The following AP3B1 variants were observed in gnomAD, a reference collection of about 807,000 sequenced individuals.
AP3B1 encodes the protein adaptor related protein complex 3 subunit beta 1, also known as AP-3 complex subunit beta-1.
In AP3B1, 61 loss-of-function variants were observed where a neutral mutation model predicts 132.5. The ratio of observed to expected loss-of-function variants is 0.46; its 90% confidence interval spans 0.37 to 0.57. The LOEUF (loss-of-function observed/expected upper bound fraction) is 0.57, where lower values mean the gene tolerates loss of function less well. AP3B1 is among the 20% of genes least tolerant of loss of function. AP3B1 has a pLI of 0.00. For missense variants in AP3B1, 1,120 were observed against 1,289.4 expected, an observed-to-expected ratio of 0.87 and a Z score of 2.01; for synonymous variants, 388 against 438.3, an observed-to-expected ratio of 0.89 and a Z score of 1.43.
intron 24 of AP3B1, among the ~76,000 whole-genome samples, chr5:78,031,508 T>C (rs1160952449): frequency 6.6e-6 from 1 of 152,206 alleles, no homozygotes; most frequent in Non-Finnish European, 1.5e-5. Context: ...CCAAAACGTC[T>C]TTCCCAGGCA....
Position 78,181,581 on chromosome 5 carries a change from G to A in AP3B1, c.868C>T (p.Pro290Ser). ...CTATGATCTGGATCCATAGTATACG[G>A]CTTCTTCTTTTTGTCAGTCTTTTCC... ...QKEKTDKKKK[P>S]YTMDPDHRLL... Residue 290 changes from proline (P) to serine (S), a missense_variant, in exon 8 of 27, where the codon CCG becomes TCG. Pro to Ser is a moderately conservative substitution (Grantham distance 74, BLOSUM62 -1). This residue lies in a region of AP3B1 where 906 missense variants were observed against 997.1 expected (regional missense o/e 0.91). Coordinates refer to ENST00000255194, the MANE Select transcript of AP3B1 (RefSeq NM_003664.5). 6.2e-7 allele frequency: 1 copy of A among 1,612,376 alleles called. No homozygotes were observed.
At chr5:78,288,112 T>C (rs994586892) in intron 1 of AP3B1, among the ~76,000 whole-genome samples, 1 of 152,244 alleles carries the variant, frequency 6.6e-6, no homozygotes, top group African/African-American at 2.4e-5. Flanking sequence ...AAAATGTCCT[T>C]AACATTTCAA....
chr5:78,163,314 C>T (rs1743464198), intron 12 of AP3B1, among the ~76,000 whole-genome samples: 1 of 151,808 alleles, frequency 6.6e-6, no homozygotes, highest in Non-Finnish European at 1.5e-5. Context: ...TTACCAGCAG[C>T]ATCTGTGAAT....
intron 22 of AP3B1, among the ~76,000 whole-genome samples, chr5:78,087,182 T>A (rs1361269760): frequency 5.3e-5 from 8 of 152,208 alleles, no homozygotes; most frequent in African/African-American, 1.9e-4. Flanking sequence ...ATAGATGTAC[T>A]CTATCATCTA....
At chr5:78,122,667 C>T (rs1752267247) in intron 17 of AP3B1, among the ~76,000 whole-genome samples, 1 of 152,108 alleles carries the variant, frequency 6.6e-6, no homozygotes, top group Admixed American at 6.5e-5. Flanking sequence ...TCAAGGAGAA[C>T]TACAAACCAC....
At chr5:78,034,246 C>T in intron 24 of AP3B1, 115 bp downstream of exon 24, 1 of 813,768 alleles carries the variant, frequency 1.2e-6, no homozygotes, top group East Asian at 2.5e-5. Context: ...CAAAGCAAAA[C>T]ATATTTGTTT....
At chr5:78,104,172 T>C (rs1292298368) in intron 20 of AP3B1, among the ~76,000 whole-genome samples, 4 of 152,196 alleles carry the variant, frequency 2.6e-5, no homozygotes, top group Admixed American at 2.0e-4. Context: ...TGAAATATTT[T>C]CAATTAGAAT....
chr5:78,231,974 T>C (rs139048550), intron 3 of AP3B1, among the ~76,000 whole-genome samples: 101 of 152,324 alleles, frequency 6.6e-4, no homozygotes, highest in African/African-American at 2.3e-3. Flanking sequence ...GAGAAATCTA[T>C]ACAATAAAAT....
intron 7 of AP3B1, among the ~76,000 whole-genome samples, chr5:78,204,314 G>T (rs574064438): frequency 9.9e-5 from 15 of 152,132 alleles, no homozygotes; most frequent in Non-Finnish European, 1.6e-4. Context: ...GTTGCATGTG[G>T]TCATGGAAGT....
intron 7 of AP3B1, among the ~76,000 whole-genome samples, chr5:78,191,546 G>A (rs967090601): frequency 2.0e-5 from 3 of 152,026 alleles, no homozygotes; most frequent in African/African-American, 7.3e-5. Context: ...ATGTCTTGGG[G>A]AGTAACGATG....
intron 17 of AP3B1, among the ~76,000 whole-genome samples, chr5:78,118,434 G>T (rs894571846): frequency 1.3e-5 from 2 of 152,214 alleles, no homozygotes; most frequent in Non-Finnish European, 2.9e-5. Context: ...TCAAAGAAAG[G>T]GGTGACAGAC....
intron 8 of AP3B1, 148 bp from the exon 9 acceptor site, chr5:78,177,584 G>T: frequency 1.4e-6 from 1 of 706,200 alleles, no homozygotes; most frequent in Non-Finnish European, 2.6e-6. Context: ...AGTTGAAGAA[G>T]TGTCCCCCAC....
intron 20 of AP3B1, among the ~76,000 whole-genome samples, chr5:78,109,976 CT>C (rs554028990): frequency 1.5e-3 from 231 of 152,204 alleles, no homozygotes; most frequent in African/African-American, 5.4e-3. Flanking sequence ...AAACCCCCCC[CT>C]TGTCACAACC....
chr5:78,180,399 C>T (rs1201266720), intron 8 of AP3B1, among the ~76,000 whole-genome samples: 2 of 151,896 alleles, frequency 1.3e-5, no homozygotes, highest in South Asian at 2.1e-4. Flanking sequence ...TAACAGGAAA[C>T]ACAGAATATA....
chr5:78,261,306 T>C (rs1217231403), intron 2 of AP3B1, among the ~76,000 whole-genome samples: 1 of 152,236 alleles, frequency 6.6e-6, no homozygotes, highest in African/African-American at 2.4e-5. Flanking sequence ...ATCCTAATGG[T>C]GTAAAGTGAT....
intron 2 of AP3B1, among the ~76,000 whole-genome samples, chr5:78,255,380 G>A (rs1054917448): frequency 6.6e-6 from 1 of 151,828 alleles, no homozygotes; most frequent in African/African-American, 2.4e-5. Context: ...ACATATATCA[G>A]CTGAAAACAA....
intron 24 of AP3B1, among the ~76,000 whole-genome samples, chr5:78,027,528 A>AT (rs1026401705): frequency 5.5e-4 from 83 of 150,868 alleles, no homozygotes; most frequent in African/African-American, 1.5e-3. Flanking sequence ...TTTCTTGTGC[A>AT]TTTTTTTTTC....
At chr5:78,043,985 T>C (rs1273807983) in intron 22 of AP3B1, 2 of 304,168 alleles carry the variant, frequency 6.6e-6, no homozygotes, top group African/African-American at 4.4e-5. Flanking sequence ...CAGGAAATCT[T>C]GTCCAATGCA....
At chr5:78,185,184 A>AT (rs1744551950) in intron 7 of AP3B1, among the ~76,000 whole-genome samples, 1 of 152,224 alleles carries the variant, frequency 6.6e-6, no homozygotes, top group Non-Finnish European at 1.5e-5. Context: ...AGTATTTGTT[A>AT]TAAGCAGACC....
Sources: gnomAD v4.1 joint callset for allele counts (sites outside exome capture counted in the v4.1 genomes callset) on GRCh38, gnomAD v4.1.1 for gene constraint, gnomAD v4.1.1 regional missense constraint, MANE v1.5 for transcripts, NCBI Gene and HGNC (gene_info 2026-07-23, HGNC 2026-07-21) for gene names.